The following LRRTM4 variants were observed in gnomAD, a reference collection of about 807,000 sequenced individuals.
LRRTM4 encodes the protein leucine rich repeat transmembrane neuronal 4.
LRRTM4 carries 25 observed loss-of-function variants against 47.6 expected under a neutral mutation model. The observed-to-expected ratio is 0.53, with a 90% CI of 0.38 to 0.73. The LOEUF (loss-of-function observed/expected upper bound fraction) is 0.73. LRRTM4 is among the 30% of genes least tolerant of loss of function. The pLI is 0.00. For synonymous variants in LRRTM4, 311 were observed against 269.5 expected (o/e 1.15, Z -1.51); for missense variants, 638 against 713.4 (o/e 0.89, Z 1.20).
intron 3 of LRRTM4, among the ~76,000 whole-genome samples, chr2:76,990,928 A>G (rs1676983400): frequency 6.6e-6 from 1 of 151,820 alleles, no homozygotes; most frequent in Admixed American, 6.6e-5. Flanking sequence ...ATTAAAAAAA[A>G]TCAAAATCAT....
At chr2:76,921,058 C>T (rs1237125739) in intron 3 of LRRTM4, among the ~76,000 whole-genome samples, 1 of 152,010 alleles carries the variant, frequency 6.6e-6, no homozygotes, top group Non-Finnish European at 1.5e-5. Context: ...ATGAACTTAA[C>T]TTTACACTTT....
At position 77,440,640 on chromosome 2, in the gene LRRTM4, A is replaced by C. The variant is rs371493777; in HGVS notation, c.1551+77678T>G. Among the ~76,000 whole-genome samples the C allele has an allele frequency of 9.2e-5, 14 of 152,334 alleles. 1 individual carries two copies. Among genetic ancestry groups the C allele is most frequent in the African/African-American group, 3.4e-4 (14 of 41,590 alleles). On this transcript the variant is annotated intron_variant, in intron 3 of 3. Coordinates refer to ENST00000409884, the MANE Select transcript of LRRTM4 (RefSeq NM_001134745.3). The stretch of plus-strand genomic sequence containing the variant: ...TGTAAATCAGCACCGATTCTGTTGC[A>C]ATGAATTAATTAACGGACACTGAAA...
intron 3 of LRRTM4, among the ~76,000 whole-genome samples, chr2:77,191,393 T>C (rs552327602): frequency 2.6e-5 from 4 of 152,008 alleles, no homozygotes; most frequent in Admixed American, 2.6e-4. Flanking sequence ...ACATAAAAAC[T>C]GTCTCAATAA....
chr2:77,356,220 T>C (rs1671962274), intron 3 of LRRTM4, among the ~76,000 whole-genome samples: 2 of 152,190 alleles, frequency 1.3e-5, no homozygotes, highest in Non-Finnish European at 2.9e-5. Flanking sequence ...CATAATAATA[T>C]TTTAGGAATA....
chr2:77,338,255 C>A (rs989769856), intron 3 of LRRTM4, among the ~76,000 whole-genome samples: 1 of 152,006 alleles, frequency 6.6e-6, no homozygotes, highest in Admixed American at 6.6e-5. Flanking sequence ...CCGTATTCAA[C>A]TAAACAGCTT....
chr2:77,102,334 C>T (rs1040630791), intron 3 of LRRTM4, among the ~76,000 whole-genome samples: 7 of 152,188 alleles, frequency 4.6e-5, no homozygotes, highest in Admixed American at 1.3e-4. Context: ...TGGATTCCCA[C>T]CTTACTGCTC....
intron 3 of LRRTM4, among the ~76,000 whole-genome samples, chr2:76,770,178 G>A (rs1265481536): frequency 6.6e-6 from 1 of 152,158 alleles, no homozygotes; most frequent in East Asian, 1.9e-4. Flanking sequence ...CTTTTTTCAT[G>A]AACAATGCCA....
chr2:77,372,556 G>A (rs866368450), intron 3 of LRRTM4, among the ~76,000 whole-genome samples: 2 of 151,724 alleles, frequency 1.3e-5, no homozygotes, highest in Middle Eastern at 3.2e-3. Flanking sequence ...ATTACAGACT[G>A]CTGGAAGGGT....
chr2:77,126,237 A>G lies in LRRTM4; in HGVS notation c.1552-377321T>C, dbSNP rs189792325. Among the ~76,000 whole-genome samples, 9 of 152,280 alleles carry G rather than the reference A, an allele frequency of 5.9e-5. No homozygotes were observed. In the East Asian group the frequency reaches 7.7e-4, roughly 13 times the overall value. On this transcript the variant is annotated intron_variant, in intron 3 of 3. Coordinates refer to ENST00000409884, the MANE Select transcript of LRRTM4 (RefSeq NM_001134745.3). Reference sequence around the variant, plus strand: ...ATTTAAAACTTGATGACATAGTCCAATAAAGGAATACATTATAAATAATAT... The same window carrying G: ...ATTTAAAACTTGATGACATAGTCCAGTAAAGGAATACATTATAAATAATAT...
chr2:76,815,954 A>G (rs764639000), intron 3 of LRRTM4, among the ~76,000 whole-genome samples: 2 of 151,962 alleles, frequency 1.3e-5, no homozygotes, highest in African/African-American at 4.8e-5. Context: ...ATACACTTCT[A>G]AATTTTATTT....
At chr2:77,230,326 A>G (rs1459606995) in intron 3 of LRRTM4, among the ~76,000 whole-genome samples, 2 of 152,160 alleles carry the variant, frequency 1.3e-5, no homozygotes, top group South Asian at 2.1e-4. Flanking sequence ...GGCATACACC[A>G]TACACATAGT....
At chr2:76,989,353 G>T (rs1676921699) in intron 3 of LRRTM4, among the ~76,000 whole-genome samples, 1 of 151,744 alleles carries the variant, frequency 6.6e-6, no homozygotes, top group African/African-American at 2.4e-5. Flanking sequence ...CCACAACAAA[G>T]ATTTTCTTAT....
At chr2:76,836,162 A>T (rs893437765) in intron 3 of LRRTM4, among the ~76,000 whole-genome samples, 6 of 55,956 alleles carry the variant, frequency 1.1e-4, no homozygotes, top group African/African-American at 5.9e-4. Context: ...TATGCGGTAA[A>T]AAAAAAAAAA....
chr2:77,465,088 A>T (rs1466835002), intron 3 of LRRTM4, among the ~76,000 whole-genome samples: 1 of 152,092 alleles, frequency 6.6e-6, no homozygotes, highest in Admixed American at 6.6e-5. Context: ...CAAATCCTTA[A>T]TTTTTTATTG....
intron 3 of LRRTM4, among the ~76,000 whole-genome samples, chr2:76,854,811 C>A (rs1289085129): frequency 8.2e-6 from 1 of 121,566 alleles, no homozygotes; most frequent in African/African-American, 3.7e-5. Flanking sequence ...AAAAGAAAAT[C>A]CTTTTTTTTT....
intron 3 of LRRTM4, among the ~76,000 whole-genome samples, chr2:77,244,377 A>T (rs972356778): frequency 4.6e-5 from 7 of 151,992 alleles, no homozygotes; most frequent in African/African-American, 1.7e-4. Context: ...ACTAGTTTAC[A>T]GTCCCACCAA....
At chr2:77,057,067 A>G (rs967787328) in intron 3 of LRRTM4, among the ~76,000 whole-genome samples, 1 of 152,228 alleles carries the variant, frequency 6.6e-6, no homozygotes, top group Non-Finnish European at 1.5e-5. Context: ...ATGACAGAGT[A>G]CTGTATGGTC....
At chr2:77,437,958 TATC>T (rs1397072282) in intron 3 of LRRTM4, among the ~76,000 whole-genome samples, 1 of 152,170 alleles carries the variant, frequency 6.6e-6, no homozygotes, top group Non-Finnish European at 1.5e-5. Flanking sequence ...ACAAGATTAT[TATC>T]AAGTTATTAT....
chr2:76,895,223 T>C (rs1385259363), intron 3 of LRRTM4, among the ~76,000 whole-genome samples: 2 of 152,080 alleles, frequency 1.3e-5, no homozygotes, highest in East Asian at 3.8e-4. Flanking sequence ...ACAAAACTTG[T>C]GGAAGACAAT....
Sources: allele counts gnomAD v4.1 joint callset (sites outside exome capture counted in the v4.1 genomes callset), GRCh38; gene constraint gnomAD v4.1.1; transcripts MANE v1.5; gene names NCBI Gene and HGNC (gene_info 2026-07-23, HGNC 2026-07-21).